The following DSCAML1 variants were observed in gnomAD, a reference collection of about 807,000 sequenced individuals.
DSCAML1 encodes the protein DS cell adhesion molecule like 1.
A neutral mutation model predicts 200.5 loss-of-function variants in DSCAML1; 38 were observed. The observed-to-expected ratio is 0.19, with a 90% confidence interval of 0.15 to 0.25. The LOEUF (loss-of-function observed/expected upper bound fraction) is 0.25, where lower values mean the gene tolerates loss of function less well. DSCAML1 is among the 10% of genes least tolerant of loss of function. The pLI, the probability that DSCAML1 is intolerant of heterozygous loss-of-function variation, is 1.00. For missense variants in DSCAML1, 2,223 were observed against 2,858.8 expected (o/e 0.78, Z 5.07); for synonymous variants, 1,215 against 1,165.0 (o/e 1.04, Z -0.87).
chr11:117,428,914 G>C (rs117989343), intron 32 of DSCAML1, 111 bp from the exon 33 acceptor site: 2 of 1,072,952 alleles, frequency 1.9e-6, no homozygotes, highest in East Asian at 5.2e-5. Flanking sequence ...TTTGGCATAG[G>C]GGCCCCTCCA....
In DSCAML1 at chr11:117,504,622, T is replaced by G. The variant is rs1592674521; in HGVS notation, c.2182+302A>C. 6.7e-6 allele frequency among the ~76,000 whole-genome samples: 1 copy of G among 150,358 alleles called. No homozygotes were observed. The highest frequency in any genetic ancestry group is 2.5e-5 in the African/African-American group (1 of 40,730). ...GAGGCTCTGGGGCCCCAGGGGAGGG[T>G]GCGGTAGGGAAAGCAGGCATACACT... On this transcript the variant is annotated intron_variant, in intron 10 of 32. Transcript: ENST00000651296. The surrounding 1 kb of genome is among the most constrained non-coding windows in gnomAD (Gnocchi z 5.0).
At chr11:117,593,942 T>C (rs931455092) in intron 3 of DSCAML1, among the ~76,000 whole-genome samples, 1 of 152,096 alleles carries the variant, frequency 6.6e-6, no homozygotes, top group African/African-American at 2.4e-5. Context: ...CTCGATCTCC[T>C]GACCTCGTGA....
At chr11:117,797,355 CCCA>C, upstream of DSCAML1, 1 of 1,108,012 alleles carries the variant, frequency 9.0e-7, no homozygotes, top group Non-Finnish European at 1.2e-6. Context: ...GGACCCCAGC[CCCA>C]CAAGCCCAGG....
chr11:117,506,234 G>T (rs2049494933), intron 8 of DSCAML1, among the ~76,000 whole-genome samples: 1 of 152,152 alleles, frequency 6.6e-6, no homozygotes, highest in South Asian at 2.1e-4. Context: ...TCTCCCACAG[G>T]GCCCTCAGCC....
At chr11:117,588,501 G>C (rs986744234) in intron 3 of DSCAML1, among the ~76,000 whole-genome samples, 1 of 152,194 alleles carries the variant, frequency 6.6e-6, no homozygotes, top group Non-Finnish European at 1.5e-5. Context: ...GCAGTCCCCT[G>C]AGCCGGTGCA....
intron 3 of DSCAML1, among the ~76,000 whole-genome samples, chr11:117,746,127 CAGG>C (rs1480508467): frequency 7.2e-6 from 1 of 139,408 alleles, no homozygotes; most frequent in African/African-American, 2.7e-5. Flanking sequence ...GAGGCTGAGG[CAGG>C]AGAATGGCGT....
intron 3 of DSCAML1, among the ~76,000 whole-genome samples, chr11:117,568,673 C>A (rs1032280402): frequency 9.2e-5 from 14 of 152,034 alleles, no homozygotes; most frequent in Admixed American, 3.9e-4. Flanking sequence ...GGGACATGAA[C>A]GACCTCTTCA....
At chr11:117,650,929 G>C (rs1439365147) in intron 3 of DSCAML1, among the ~76,000 whole-genome samples, 1 of 152,228 alleles carries the variant, frequency 6.6e-6, no homozygotes, top group Non-Finnish European at 1.5e-5. Context: ...ATCAACCTGG[G>C]AGAGTACAGG....
At chr11:117,542,517 G>A (rs2050291913) in intron 3 of DSCAML1, among the ~76,000 whole-genome samples, 1 of 152,174 alleles carries the variant, frequency 6.6e-6, no homozygotes, top group African/African-American at 2.4e-5. Flanking sequence ...GAAGCCCTGT[G>A]TCCAGGCACC....
intron 3 of DSCAML1, among the ~76,000 whole-genome samples, chr11:117,571,293 C>T (rs2050844238): frequency 6.6e-6 from 1 of 152,212 alleles, no homozygotes; most frequent in South Asian, 2.1e-4. Flanking sequence ...CTACAATTTA[C>T]TGAGCAGCTG....
intron 20 of DSCAML1, among the ~76,000 whole-genome samples, chr11:117,446,729 C>A (rs1180225824): frequency 1.3e-5 from 2 of 152,274 alleles, no homozygotes; most frequent in East Asian, 3.9e-4. Context: ...GGCCACTCAC[C>A]CTGCTGGTAG....
Position 117,521,269 on chromosome 11 carries a change from G to C in DSCAML1, c.1074C>G (p.Asp358Glu). Residue 358 changes from aspartate (D) to glutamate (E), a missense_variant, in exon 6 of 33, where the codon GAC (aspartate) becomes GAG (glutamate). Around this residue, in one of 7 missense-constraint regions of DSCAML1, gnomAD observed 579 missense variants for 721.5 expected, o/e 0.80. Transcript: ENST00000651296. ...TGAGCCCGCGGATGGAGATGGCCTC[G>C]TCAGGCAGCACCAGCTCCGTGTTGC... ...WYRNTELVLP[D>E]EAISIRGLSN... 1 of 1,614,164 alleles carries C rather than the reference G, an allele frequency of 6.2e-7. No homozygotes were observed. The highest frequency in any genetic ancestry group is 8.5e-7 in the Non-Finnish European group (1 of 1,180,012).
At chr11:117,526,094 A>G (rs1173494084) in intron 4 of DSCAML1, among the ~76,000 whole-genome samples, 2 of 152,266 alleles carry the variant, frequency 1.3e-5, no homozygotes, top group Admixed American at 1.3e-4. Flanking sequence ...TGCAATGCCC[A>G]GGAATTTCTG....
At position 117,439,528 on chromosome 11, in the gene DSCAML1, G is replaced by A. The variant is rs771503025; in HGVS notation, c.3981-99C>T. The A allele has an allele frequency of 4.6e-5, 68 of 1,473,026 alleles. No homozygotes were observed. In the African/African-American group the frequency reaches 4.9e-4, roughly 11 times the overall value. The allele number at this position is 1,473,026 out of a possible 1,614,324, so 91.2% of individuals were successfully genotyped here. A position where few individuals can be genotyped will look rare whatever the true frequency, so the allele number is the denominator to read the frequency against. ...TGACAAAGAGAGCTGGGGGTGGAAG[G>A]AGGCTCGCCAGGGAACGCCGGGTTC... On this transcript the variant is annotated intron_variant, in intron 22 of 32. Transcript: ENST00000651296.
chr11:117,780,462 C>T lies in DSCAML1; in HGVS notation c.364+31G>A. On this transcript the variant is annotated intron_variant, in intron 2 of 32. Coordinates refer to ENST00000651296, the MANE Select transcript of DSCAML1 (RefSeq NM_020693.4). This position sits in a 1 kb window ranked among gnomAD's most constrained non-coding sequence, Gnocchi z 4.8. ...AATGACGGCGCAGCCTCCTCCTGTG[C>T]CACTGGGGCAGCCAGTGTCTTGTCC... 7.1e-7 allele frequency: 1 copy of T among 1,417,100 alleles called. No individual in the cohort carries two copies. The highest frequency in any genetic ancestry group is 9.2e-7 in the Non-Finnish European group (1 of 1,081,168). 87.8% of individuals were successfully genotyped at this position (1,417,100 alleles called of 1,614,324 possible).
intron 3 of DSCAML1, among the ~76,000 whole-genome samples, chr11:117,566,749 C>A (rs1457564090): frequency 5.6e-5 from 8 of 144,080 alleles, no homozygotes; most frequent in South Asian, 4.8e-4. Context: ...CCACAACAGT[C>A]CCCAGAGTGT....
rs1273166908 is a variant in DSCAML1 at position 117,482,074 on chromosome 11, C to T, written c.2448G>A (p.Arg816=). The T allele has an allele frequency of 1.2e-6, 2 of 1,614,076 alleles. No homozygotes were observed. Among genetic ancestry groups the T allele is most frequent in the African/African-American group, 2.7e-5 (2 of 74,940 alleles). ...CCTTCTCCCAGCGGATGATGATGGG[C>T]CGCTCACCCCGTGCCGTGCAGTTTA... The part of the protein sequence containing the change: ...KELNCTARGE[R]PIIIRWEKGD... The change falls in exon 12 of 33, where the codon CGG becomes CGA. Residue 816 remains arginine, a synonymous_variant. Coordinates refer to ENST00000651296, the MANE Select transcript of DSCAML1 (RefSeq NM_020693.4).
chr11:117,656,485 T>C (rs2052736792), intron 3 of DSCAML1, among the ~76,000 whole-genome samples: 1 of 149,510 alleles, frequency 6.7e-6, no homozygotes, highest in African/African-American at 2.5e-5. Flanking sequence ...GTTCTAAACA[T>C]TTACCTAAAT....
chr11:117,643,558 G>A (rs1231616129), intron 3 of DSCAML1, among the ~76,000 whole-genome samples: 1 of 152,064 alleles, frequency 6.6e-6, no homozygotes, highest in Admixed American at 6.5e-5. Context: ...CCAGCTCATC[G>A]AAGGTGAGCT....
Sources: gnomAD v4.1 joint callset for allele counts (sites outside exome capture counted in the v4.1 genomes callset) on GRCh38, gnomAD v4.1.1 for gene constraint, gnomAD v4.1.1 regional missense constraint, Gnocchi (gnomAD v3.1) non-coding constraint, MANE v1.5 for transcripts, NCBI Gene and HGNC (gene_info 2026-07-23, HGNC 2026-07-21) for gene names.